ENOX1: variants seen among roughly 807,000 people sequenced by gnomAD.
ENOX1 encodes the protein ecto-NOX disulfide-thiol exchanger 1, also known as candidate growth-related and time keeping constitutive hydroquinone (NADH) oxidase.
A neutral mutation model predicts 82.5 loss-of-function variants in ENOX1; 42 were observed. That is an observed-to-expected ratio of 0.51 (90% confidence interval 0.40 to 0.66). ENOX1 has a LOEUF of 0.66. Ranked by LOEUF, ENOX1 falls within the 30% of genes least tolerant of loss-of-function variation. ENOX1 has a pLI of 0.00. For missense variants in ENOX1, 608 were observed against 811.6 expected (o/e 0.75, Z 3.05); for synonymous variants, 271 against 282.2 (o/e 0.96, Z 0.40).
chr13:43,422,821 T>C (rs932473074), intron 3 of ENOX1, among the ~76,000 whole-genome samples: 1 of 152,214 alleles, frequency 6.6e-6, no homozygotes, highest in Non-Finnish European at 1.5e-5. Context: ...CAAGTAAAAT[T>C]ATTTTTCTCA....
At chr13:43,307,106 C>T (rs1488387637) in intron 11 of ENOX1, among the ~76,000 whole-genome samples, 1 of 152,196 alleles carries the variant, frequency 6.6e-6, no homozygotes, top group African/African-American at 2.4e-5. Flanking sequence ...TAAGTGGGCA[C>T]CAAGACTTCA....
intron 2 of ENOX1, among the ~76,000 whole-genome samples, chr13:43,551,805 C>T (rs2079207649): frequency 6.6e-6 from 1 of 152,176 alleles, no homozygotes; most frequent in Admixed American, 6.5e-5. Context: ...ACAATTGTGT[C>T]CACACACCAC....
chr13:43,697,396 A>G (rs1566787952), intron 1 of ENOX1, among the ~76,000 whole-genome samples: 1 of 152,236 alleles, frequency 6.6e-6, no homozygotes, highest in East Asian at 1.9e-4. Context: ...GGACAAGGCC[A>G]TGCAAGGGCT....
chr13:43,703,816 A>G (rs1310966537), intron 1 of ENOX1, among the ~76,000 whole-genome samples: 1 of 152,112 alleles, frequency 6.6e-6, no homozygotes, highest in Non-Finnish European at 1.5e-5. Flanking sequence ...TTTCTTTATT[A>G]GCTTTTCCTA....
intron 5 of ENOX1, among the ~76,000 whole-genome samples, chr13:43,368,530 A>C (rs971733560): frequency 1.3e-5 from 2 of 152,204 alleles, no homozygotes; most frequent in Non-Finnish European, 2.9e-5. Context: ...AGCGCTCATC[A>C]CAGGTTCTGT....
At chr13:43,245,797 G>C (rs1353563858) in intron 14 of ENOX1, among the ~76,000 whole-genome samples, 3 of 152,234 alleles carry the variant, frequency 2.0e-5, no homozygotes, top group African/African-American at 4.8e-5. Context: ...CCAAGATGCA[G>C]TGATTCATCA....
chr13:43,541,171 C>CTTTTTTTTTT (rs1555317884), intron 2 of ENOX1, among the ~76,000 whole-genome samples: 1 of 38,734 alleles, frequency 2.6e-5, no homozygotes, highest in Non-Finnish European at 6.1e-5. Flanking sequence ...CTTCTTCCCT[C>CTTTTTTTTTT]TGTTTTTTTT....
At chr13:43,341,631 G>A (rs1594040436) in intron 9 of ENOX1, among the ~76,000 whole-genome samples, 1 of 152,186 alleles carries the variant, frequency 6.6e-6, no homozygotes, top group African/African-American at 2.4e-5. Context: ...TACTCAAACG[G>A]TTTACTGGGG....
intron 3 of ENOX1, among the ~76,000 whole-genome samples, chr13:43,463,673 A>G (rs1049404798): frequency 6.6e-6 from 1 of 152,020 alleles, no homozygotes; most frequent in Admixed American, 6.6e-5. Flanking sequence ...AAAATACCCA[A>G]CCCCTCTCAA....
In ENOX1 at chr13:43,559,772, A is replaced by G. The variant is rs74886792; in HGVS notation, c.-218-75620T>C. Among the ~76,000 whole-genome samples the G allele has an allele frequency of 2.5e-3, 387 of 152,332 alleles. 1 individual carries two copies. The highest frequency in any genetic ancestry group is 8.9e-3 in the African/African-American group (372 of 41,576). ...TTTATAATACAACTTTCATTCCAAC[A>G]GAAATTATAACATGCTAAGAGCATG... On this transcript the variant is annotated intron_variant, in intron 2 of 16. Transcript: ENST00000690772.
At chr13:43,317,667 A>G (rs1593895769) in intron 11 of ENOX1, among the ~76,000 whole-genome samples, 2 of 151,710 alleles carry the variant, frequency 1.3e-5, no homozygotes. Context: ...TTAGTGGCTG[A>G]AAGATTTGGA....
chr13:43,471,993 T>G (rs1158591153), intron 3 of ENOX1, among the ~76,000 whole-genome samples: 1 of 149,896 alleles, frequency 6.7e-6, no homozygotes, highest in Admixed American at 6.6e-5. Context: ...AAAAATTCTT[T>G]AAAACTAAGA....
rs2041310984 is a variant in ENOX1 at position 43,213,788 on chromosome 13, A to C, written c.*202T>G. On this transcript the variant is annotated 3_prime_UTR_variant, in exon 17 of 17. Coordinates refer to ENST00000690772, the MANE Select transcript of ENOX1 (RefSeq NM_001347969.2). ...TCATAGGAAACAGATCTGTCACAGTATGAAGCTTTGTTTATTTTAAGAAAC... is the reference window on the plus strand; with the variant it reads ...TCATAGGAAACAGATCTGTCACAGTCTGAAGCTTTGTTTATTTTAAGAAAC... The C allele has an allele frequency of 4.8e-6, 2 of 416,324 alleles. No individual in the cohort carries two copies. The highest frequency in any genetic ancestry group is 8.8e-5 in the East Asian group (2 of 22,752). The allele number at this position is 416,324 out of a possible 1,614,324, so 25.8% of individuals were successfully genotyped here.
intron 1 of ENOX1, among the ~76,000 whole-genome samples, chr13:43,703,224 G>A (rs1441679729): frequency 6.6e-6 from 1 of 152,096 alleles, no homozygotes; most frequent in East Asian, 1.9e-4. Flanking sequence ...GAATGACTTG[G>A]GAGGCATAGA....
chr13:43,455,952 A>C (rs1461848636), intron 3 of ENOX1, among the ~76,000 whole-genome samples: 1 of 152,070 alleles, frequency 6.6e-6, no homozygotes, highest in African/African-American at 2.4e-5. Context: ...TTTTTAAGTA[A>C]ATTACTCAAT....
chr13:43,577,362 C>T (rs2080485520), intron 2 of ENOX1, among the ~76,000 whole-genome samples: 1 of 152,076 alleles, frequency 6.6e-6, no homozygotes, highest in Non-Finnish European at 1.5e-5. Flanking sequence ...AAACTCCTGA[C>T]CTCAGGTGAT....
At chr13:43,264,860 G>A (rs891021366) in intron 14 of ENOX1, among the ~76,000 whole-genome samples, 1 of 152,226 alleles carries the variant, frequency 6.6e-6, no homozygotes, top group Non-Finnish European at 1.5e-5. Flanking sequence ...AAGTCACGGT[G>A]TAACTGGGAT....
intron 14 of ENOX1, among the ~76,000 whole-genome samples, chr13:43,256,939 G>GATAT (rs148538376): frequency 2.0e-5 from 3 of 151,704 alleles, no homozygotes; most frequent in African/African-American, 7.3e-5. Context: ...AAGAAACTGT[G>GATAT]ATATATATAT....
intron 16 of ENOX1, among the ~76,000 whole-genome samples, chr13:43,218,398 G>A (rs2041601666): frequency 6.6e-6 from 1 of 152,172 alleles, no homozygotes; most frequent in African/African-American, 2.4e-5. Context: ...AGGCTAAGGT[G>A]AGAGGATCAC....
Sources: gnomAD v4.1 joint callset for allele counts (sites outside exome capture counted in the v4.1 genomes callset) on GRCh38, gnomAD v4.1.1 for gene constraint, MANE v1.5 for transcripts, NCBI Gene and HGNC (gene_info 2026-07-23, HGNC 2026-07-21) for gene names.